The following LRRC37A2 variants were observed in gnomAD, a reference collection of about 807,000 sequenced individuals.
LRRC37A2 encodes the protein leucine rich repeat containing 37 member A2.
Under a neutral mutation model 68.8 loss-of-function variants are expected in LRRC37A2, and 9 were observed. The ratio of observed to expected loss-of-function variants is 0.13; its 90% CI spans 0.08 to 0.23. LRRC37A2 has a LOEUF of 0.23. LRRC37A2 is among the 10% of genes least tolerant of loss of function. LRRC37A2 has a pLI of 1.00. For missense variants in LRRC37A2, 168 were observed against 950.4 expected, an observed-to-expected ratio of 0.18 and a Z score of 10.82; for synonymous variants, 63 against 367.6, an observed-to-expected ratio of 0.17 and a Z score of 9.48.
the LRRC37A2 span, among the ~76,000 whole-genome samples, chr17:46,996,672 G>A: frequency 6.6e-6 from 1 of 152,186 alleles, no homozygotes; most frequent in African/African-American, 2.4e-5. Flanking sequence ...TAGAGACAGG[G>A]TCTCACTCTG....
the LRRC37A2 span, among the ~76,000 whole-genome samples, chr17:47,037,427 C>G: frequency 5.3e-5 from 8 of 152,098 alleles, no homozygotes; most frequent in East Asian, 1.2e-3. Context: ...CTTTTTCACT[C>G]AAAAAAACAA....
At chr17:46,876,523 C>T in the LRRC37A2 span, 5 of 1,613,654 alleles carry the variant, frequency 3.1e-6, no homozygotes, top group East Asian at 1.1e-4. Context: ...TCTGCCGGCC[C>T]AGCAAGTACT....
At chr17:46,929,426 C>G in the LRRC37A2 span, 1 of 760,868 alleles carries the variant, frequency 1.3e-6, no homozygotes, top group Non-Finnish European at 2.4e-6. Context: ...CGATTTAAAT[C>G]AGTTACATGT....
chr17:46,932,311 A>G, the LRRC37A2 span: 1 of 1,248,314 alleles, frequency 8.0e-7, no homozygotes, highest in South Asian at 1.2e-5. Context: ...ACTGATGATG[A>G]GGAAACCAAC....
chr17:46,895,271 T>C, the LRRC37A2 span, among the ~76,000 whole-genome samples: 1 of 152,202 alleles, frequency 6.6e-6, no homozygotes, highest in African/African-American at 2.4e-5. Context: ...ACAAGTGACT[T>C]ATAATAACTA....
chr17:46,856,664 A>G, the LRRC37A2 span, among the ~76,000 whole-genome samples: 3 of 152,050 alleles, frequency 2.0e-5, no homozygotes, highest in East Asian at 5.8e-4. Context: ...TTGTATTTTT[A>G]GTGAAGACAC....
the LRRC37A2 span, among the ~76,000 whole-genome samples, chr17:46,854,329 A>T: frequency 6.6e-6 from 1 of 152,248 alleles, no homozygotes; most frequent in Non-Finnish European, 1.5e-5. Flanking sequence ...CTTCCTCCGC[A>T]GTCATTTGCA....
the LRRC37A2 span, among the ~76,000 whole-genome samples, chr17:46,865,702 ACCT>A: frequency 6.6e-6 from 1 of 151,942 alleles, no homozygotes; most frequent in East Asian, 1.9e-4. Flanking sequence ...TGCAGCCTTG[ACCT>A]CCTGGGCTCA....
the LRRC37A2 span, among the ~76,000 whole-genome samples, chr17:46,495,688 T>C: frequency 6.7e-6 from 1 of 150,202 alleles, no homozygotes; most frequent in Non-Finnish European, 1.5e-5. Flanking sequence ...CCCAGCCCCT[T>C]TGTGCACTTT....
the LRRC37A2 span, among the ~76,000 whole-genome samples, chr17:46,717,870 C>T: frequency 4.6e-5 from 7 of 152,074 alleles, no homozygotes; most frequent in Non-Finnish European, 8.8e-5. Context: ...GAAAGCTGAC[C>T]GAACTGGAGC....
chr17:46,885,083 G>A, the LRRC37A2 span: 9 of 437,708 alleles, frequency 2.1e-5, no homozygotes, highest in African/African-American at 1.6e-4. Flanking sequence ...CCACCTCCCG[G>A]ATTCAAGCGA....
chr17:46,633,194 A>AGTTC, the LRRC37A2 span, among the ~76,000 whole-genome samples: 1 of 106,138 alleles, frequency 9.4e-6, no homozygotes, highest in Non-Finnish European at 2.1e-5. Flanking sequence ...GCTGGTCTTG[A>AGTTC]ACTCCTGACC....
the LRRC37A2 span, among the ~76,000 whole-genome samples, chr17:46,951,537 G>C: frequency 2.0e-5 from 3 of 152,122 alleles, no homozygotes; most frequent in African/African-American, 4.8e-5. Flanking sequence ...CCTTGAAAAC[G>C]ACCATATAAT....
At chr17:47,016,092 GCAC>G in the LRRC37A2 span, among the ~76,000 whole-genome samples, 1 of 152,138 alleles carries the variant, frequency 6.6e-6, no homozygotes, top group South Asian at 2.1e-4. Flanking sequence ...TTGCAGGTAT[GCAC>G]CACCACACAT....
chr17:46,599,083 TAGTTA>T, the LRRC37A2 span, among the ~76,000 whole-genome samples: 1 of 53,520 alleles, frequency 1.9e-5, no homozygotes, highest in East Asian at 3.2e-4. Context: ...TTTTTTCAAG[TAGTTA>T]AGTTAAGGTG....
At chr17:46,818,548 G>C in the LRRC37A2 span, 3 of 1,609,066 alleles carry the variant, frequency 1.9e-6, no homozygotes, top group Non-Finnish European at 1.7e-6. Flanking sequence ...GAGGACCCTG[G>C]TGCCACCGAG....
At chr17:46,880,897 T>G in the LRRC37A2 span, among the ~76,000 whole-genome samples, 20 of 152,194 alleles carry the variant, frequency 1.3e-4, no homozygotes, top group African/African-American at 4.8e-4. Flanking sequence ...GGAGCCCTCA[T>G]GCTATGGCAA....
chr17:47,016,007 C>T, the LRRC37A2 span, among the ~76,000 whole-genome samples: 406 of 152,138 alleles, frequency 2.7e-3, 1 homozygote, highest in African/African-American at 9.4e-3. Flanking sequence ...TGCAATGTTG[C>T]GATCTCGGCT....
At chr17:46,866,595 C>A in the LRRC37A2 span, among the ~76,000 whole-genome samples, 1 of 152,090 alleles carries the variant, frequency 6.6e-6, no homozygotes, top group African/African-American at 2.4e-5. Flanking sequence ...AGCCTGTTAT[C>A]AGGAGCATCT....
Sources: gnomAD v4.1 joint callset for allele counts (sites outside exome capture counted in the v4.1 genomes callset) on GRCh38, gnomAD v4.1.1 for gene constraint, MANE v1.5 for transcripts, NCBI Gene and HGNC (gene_info 2026-07-23, HGNC 2026-07-21) for gene names.